Variants in ANKS6 observed in about 807,000 individuals in gnomAD.
ANKS6 encodes the protein ankyrin repeat and SAM domain-containing protein 6.
In ANKS6, 47 loss-of-function variants were observed where a neutral mutation model predicts 77.9. The observed-to-expected ratio is 0.60, with a 90% CI of 0.48 to 0.77. The LOEUF (loss-of-function observed/expected upper bound fraction) is 0.77, where lower values mean the gene tolerates loss of function less well. Among genes scored for constraint, ANKS6 ranks in the 30% least tolerant of loss-of-function variants. The pLI, the probability that ANKS6 is intolerant of heterozygous loss-of-function variation, is 0.00. For missense variants in ANKS6, 1,150 were observed against 1,159.1 expected (o/e 0.99, Z 0.11); for synonymous variants, 488 against 501.7 (o/e 0.97, Z 0.37).
At position 98,742,409 on chromosome 9, in the gene ANKS6, G is replaced by A. The variant is rs757639271; in HGVS notation, c.2511+3150C>T. Among the ~76,000 whole-genome samples, 7 of 152,312 alleles carry A rather than the reference G, an allele frequency of 4.6e-5. No individual in the cohort carries two copies. The South Asian group carries it at 1.2e-3, about 27-fold the overall frequency. On this transcript the variant is annotated intron_variant, in intron 14 of 14. Coordinates refer to ENST00000353234, the MANE Select transcript of ANKS6 (RefSeq NM_173551.5). ...TCTTTGCACATCTAAGAACCAGCACGCAGTTGCAGTGCTAACTTAAAATAA... is the reference window on the plus strand; with the variant it reads ...TCTTTGCACATCTAAGAACCAGCACACAGTTGCAGTGCTAACTTAAAATAA...
At chr9:98,786,313 A>G (rs1181650304) in intron 2 of ANKS6, among the ~76,000 whole-genome samples, 1 of 138,410 alleles carries the variant, frequency 7.2e-6, no homozygotes, top group Non-Finnish European at 1.5e-5. Context: ...TTTTTTTGAG[A>G]TGGAGTCTTG....
At chr9:98,790,027 T>C (rs1445372932) in intron 2 of ANKS6, 77 bp downstream of exon 2, 10 of 1,496,716 alleles carry the variant, frequency 6.7e-6, no homozygotes, top group Admixed American at 4.5e-5. Context: ...GTCCTTCCAG[T>C]AGAGCAATCC....
Position 98,770,938 on chromosome 9 carries a change from C to G in ANKS6, c.1930G>C (p.Val644Leu), listed in dbSNP as rs6415847. ...SPHSSGGSSG[V>L]GVSRHGGELL... ...TCCCCACCGTGCCGGCTCACACCTACCCCACTGGAGCCGCCCGATGAATGA... is the reference window on the plus strand; with the variant it reads ...TCCCCACCGTGCCGGCTCACACCTAGCCCACTGGAGCCGCCCGATGAATGA... Residue 644 changes from valine to leucine, a missense_variant, in exon 10 of 15, where the codon GTA becomes CTA. By Grantham distance (32) the Val-to-Leu change is conservative. Transcript: ENST00000353234. 3 of 1,586,544 alleles carry G rather than the reference C, an allele frequency of 1.9e-6. No individual in the cohort carries two copies. The South Asian group carries it at 3.5e-5, about 18-fold the overall frequency.
rs114369670 is a variant in ANKS6 at position 98,745,532 on chromosome 9, G to A, written c.2511+27C>T. The A allele has an allele frequency of 1.3e-3, 2,078 of 1,589,958 alleles. 28 individuals carry two copies. In the African/African-American group the frequency reaches 0.025, roughly 19 times the overall value. ...TGAAGCTCTCAGATGTCTGAAACAC[G>A]GAAATACAAGAAACAGAGAACGGTA... On this transcript the variant is annotated intron_variant, in intron 14 of 14. Transcript: ENST00000353234.
intron 3 of ANKS6, 140 bp from the exon 4 acceptor site, chr9:98,784,297 A>G: frequency 1.5e-6 from 1 of 680,660 alleles, no homozygotes; most frequent in Middle Eastern, 3.7e-4. Context: ...GGATACTAAG[A>G]GGGCGTCAGA....
intron 11 of ANKS6, among the ~76,000 whole-genome samples, chr9:98,763,951 A>T (rs1833143840): frequency 1.3e-5 from 2 of 152,186 alleles, no homozygotes; most frequent in African/African-American, 4.8e-5. Context: ...ATAGTCCTAT[A>T]TCTATTAATG....
At position 98,734,645 on chromosome 9, in the gene ANKS6, G is replaced by C; in HGVS notation, c.*1874C>G. On this transcript the variant is annotated 3_prime_UTR_variant, in exon 15 of 15. Transcript: ENST00000353234. ...TCTGACCCCAGATCTGCTCCTTCTG[G>C]GCTGTTTAACTGGCAAGCTGCTTCC... 1 of 956,564 alleles carries C rather than the reference G, an allele frequency of 1.0e-6. No individual in the cohort carries two copies. The highest frequency in any genetic ancestry group is 1.2e-6 in the Non-Finnish European group (1 of 803,880). 59.3% of individuals were successfully genotyped at this position (956,564 alleles called of 1,614,324 possible). A position where few individuals can be genotyped will look rare whatever the true frequency, so the allele number is the denominator to read the frequency against.
At chr9:98,773,380 G>T (rs1176392462) in intron 9 of ANKS6, among the ~76,000 whole-genome samples, 1 of 152,198 alleles carries the variant, frequency 6.6e-6, no homozygotes. Context: ...CCACACTGAT[G>T]AGACTGTCAA....
intron 11 of ANKS6, among the ~76,000 whole-genome samples, chr9:98,764,695 A>G (rs1833178940): frequency 6.6e-6 from 1 of 152,112 alleles, no homozygotes; most frequent in Non-Finnish European, 1.5e-5. Flanking sequence ...TTACTGTTTT[A>G]TTTCTAACAT....
At chr9:98,774,951 G>A (rs562248181) in intron 8 of ANKS6, among the ~76,000 whole-genome samples, 8 of 152,286 alleles carry the variant, frequency 5.3e-5, no homozygotes, top group Middle Eastern at 3.4e-3. Context: ...CAGGGCAGCC[G>A]GGCCACCCCA....
At chr9:98,795,352 A>T (rs569748421) in intron 1 of ANKS6, among the ~76,000 whole-genome samples, 2 of 152,192 alleles carry the variant, frequency 1.3e-5, no homozygotes, top group East Asian at 3.9e-4. Context: ...CCTGTCACTC[A>T]TTCTGCCTAG....
At position 98,732,879 on chromosome 9, in the gene ANKS6, T is replaced by C. The variant is rs760630737; in HGVS notation, c.*3640A>G. 4 of 1,143,832 alleles carry C rather than the reference T, an allele frequency of 3.5e-6. No homozygotes were observed. Among genetic ancestry groups the C allele is most frequent in the Non-Finnish European group, 4.3e-6 (4 of 927,700 alleles). The allele number at this position is 1,143,832 out of a possible 1,614,324, so 70.9% of individuals were successfully genotyped here. ...AACTGACCCTTCCTCCCTGACGATC[T>C]AGAACTTACACATTACGTGCTGCCT... On this transcript the variant is annotated 3_prime_UTR_variant, in exon 15 of 15. Transcript: ENST00000353234.
At position 98,735,252 on chromosome 9, in the gene ANKS6, C is replaced by T. The variant is rs1831434915; in HGVS notation, c.*1267G>A. 2.0e-5 allele frequency: 20 copies of T among 988,006 alleles called. No individual in the cohort carries two copies. The highest frequency in any genetic ancestry group is 2.4e-5 in the Non-Finnish European group (20 of 831,788). 61.2% of individuals were successfully genotyped at this position (988,006 alleles called of 1,614,324 possible). A position where few individuals can be genotyped will look rare whatever the true frequency, so the allele number is the denominator to read the frequency against. Reference sequence around the variant, plus strand: ...CAGAGCACAAGGTCTGCCCACTCTACCATGCTGCCTCTCAATGTCGGGACC... The same window carrying T: ...CAGAGCACAAGGTCTGCCCACTCTATCATGCTGCCTCTCAATGTCGGGACC... On this transcript the variant is annotated 3_prime_UTR_variant, in exon 15 of 15. Coordinates refer to ENST00000353234, the MANE Select transcript of ANKS6 (RefSeq NM_173551.5).
chr9:98,776,509 T>C (rs1486465692), intron 8 of ANKS6, among the ~76,000 whole-genome samples: 1 of 151,508 alleles, frequency 6.6e-6, no homozygotes, highest in Non-Finnish European at 1.5e-5. Context: ...CAAGCAATTC[T>C]CCTGCCTCAG....
chr9:98,774,006 AG>A lies in ANKS6; in HGVS notation c.1691del (p.Pro564LeufsTer23). On this transcript the variant is annotated frameshift_variant, in exon 9 of 15. Transcript: ENST00000353234. LOFTEE classifies it high-confidence loss of function. ...LKAVIPPFLPPSSFELWSSDR... is the reference protein window; with the variant it reads ...LKAVIPPFLPXSSFELWSSDR... Reference sequence around the variant, plus strand: ...CAGAGCTCCACAGCTCAAAACTGGAAGGGGGTAGGAATGGGGGGATGACTGC... The same window carrying A: ...CAGAGCTCCACAGCTCAAAACTGGAAGGGGTAGGAATGGGGGGATGACTGC... The A allele has an allele frequency of 6.4e-7, 1 of 1,551,334 alleles. No homozygotes were observed. The highest frequency in any genetic ancestry group is 1.8e-5 in the Admixed American group (1 of 55,382).
chr9:98,734,104 C>T lies in ANKS6; in HGVS notation c.*2415G>A, dbSNP rs190356687. The T allele has an allele frequency of 1.0e-6, 1 of 985,554 alleles. No homozygotes were observed. The highest frequency in any genetic ancestry group is 6.1e-5 in the Admixed American group (1 of 16,298). 61.1% of individuals were successfully genotyped at this position (985,554 alleles called of 1,614,324 possible). A position where few individuals can be genotyped will look rare whatever the true frequency, so the allele number is the denominator to read the frequency against. ...ATGCCCCCGCTGGGGTGCCCTTTCT[C>T]TTCCCTGCCTACCAGCCGCATCCAA... On this transcript the variant is annotated 3_prime_UTR_variant, in exon 15 of 15. Transcript: ENST00000353234.
intron 13 of ANKS6, among the ~76,000 whole-genome samples, chr9:98,748,948 C>T (rs1479462709): frequency 6.6e-6 from 1 of 152,108 alleles, no homozygotes; most frequent in Non-Finnish European, 1.5e-5. Context: ...TAATTGTTTA[C>T]TGTTGGAAAC....
intron 4 of ANKS6, 174 bp downstream of exon 4, chr9:98,783,779 T>G (rs1023856443): frequency 1.1e-4 from 53 of 485,212 alleles, no homozygotes; most frequent in Non-Finnish European, 1.5e-4. Flanking sequence ...CACAGAAGGG[T>G]GGGACTAAAA....
chr9:98,732,383 C>T lies in ANKS6; in HGVS notation c.*4136G>A, dbSNP rs1831248423. 8.7e-7 allele frequency: 1 copy of T among 1,154,700 alleles called. No individual in the cohort carries two copies. Among genetic ancestry groups the T allele is most frequent in the Non-Finnish European group, 1.2e-6 (1 of 817,580 alleles). The allele number at this position is 1,154,700 out of a possible 1,614,324, so 71.5% of individuals were successfully genotyped here. ...TTGGTCAAACTATCTTTCTTTCTGT[C>T]TGCCATGCCAGGAAATCCAGTGACA... On this transcript the variant is annotated 3_prime_UTR_variant, in exon 15 of 15. Coordinates refer to ENST00000353234, the MANE Select transcript of ANKS6 (RefSeq NM_173551.5).
Sources: allele counts gnomAD v4.1 joint callset (sites outside exome capture counted in the v4.1 genomes callset), GRCh38; gene constraint gnomAD v4.1.1; transcripts MANE v1.5; gene names NCBI Gene and HGNC (gene_info 2026-07-23, HGNC 2026-07-21).